Variants in LRCH1 observed in about 807,000 individuals in gnomAD.
LRCH1 encodes the protein leucine-rich repeat and calponin homology domain-containing protein 1.
A neutral mutation model predicts 94.9 loss-of-function variants in LRCH1; 23 were observed. The ratio of observed to expected loss-of-function variants is 0.24; its 90% CI spans 0.17 to 0.34. The LOEUF (loss-of-function observed/expected upper bound fraction) is 0.34, where lower values mean the gene tolerates loss of function less well. Ranked by LOEUF, LRCH1 falls within the 10% of genes least tolerant of loss-of-function variation. The probability of loss-of-function intolerance (pLI) is 1.00; values close to 1 mark genes in which losing one functional copy is unlikely to be tolerated. For missense variants in LRCH1, 790 were observed against 945.9 expected, an observed-to-expected ratio of 0.84 and a Z score of 2.16; for synonymous variants, 364 against 354.9, an observed-to-expected ratio of 1.03 and a Z score of -0.29.
Position 46,553,353 on chromosome 13 carries a change from C to T in LRCH1, c.-44C>T. ...TCCCCTCGCGGGGAACGCTGTGACC[C>T]CCCCGCAGGAGCGGCGGGGCGGGGT... is the stretch of plus-strand genomic sequence containing the variant. On this transcript the variant is annotated 5_prime_UTR_variant, in exon 1 of 20. Transcript: ENST00000389797. The T allele has an allele frequency of 6.8e-7, 1 of 1,468,086 alleles. No individual in the cohort carries two copies. The highest frequency in any genetic ancestry group is 1.4e-5 in the African/African-American group (1 of 71,522). 90.9% of individuals were successfully genotyped at this position (1,468,086 alleles called of 1,614,324 possible).
In LRCH1 at chr13:46,715,555, T is replaced by C; in HGVS notation, c.1655-5T>C. 6.5e-7 allele frequency: 1 copy of C among 1,528,854 alleles called. No homozygotes were observed. The highest frequency in any genetic ancestry group is 8.8e-7 in the Non-Finnish European group (1 of 1,139,176). The allele number at this position is 1,528,854 out of a possible 1,614,324, so 94.7% of individuals were successfully genotyped here. On this transcript the variant is annotated splice_polypyrimidine_tract_variant and splice_region_variant and intron_variant, in intron 15 of 19. Transcript: ENST00000389797. ...ACGCGGACTGGCTCTCTGGCTCCCCTGCAGACCCAGCCCTCATTCTTCCTC... is the reference window on the plus strand; with the variant it reads ...ACGCGGACTGGCTCTCTGGCTCCCCCGCAGACCCAGCCCTCATTCTTCCTC...
chr13:46,567,807 A>G (rs565892512), intron 1 of LRCH1, among the ~76,000 whole-genome samples: 1 of 152,172 alleles, frequency 6.6e-6, no homozygotes, highest in Non-Finnish European at 1.5e-5. Context: ...CCTTGGAATC[A>G]GTATGTTAAT....
chr13:46,602,703 T>G (rs2050640600), intron 1 of LRCH1, among the ~76,000 whole-genome samples: 1 of 152,140 alleles, frequency 6.6e-6, no homozygotes, highest in South Asian at 2.1e-4. Flanking sequence ...CTGTAATCCC[T>G]ACACTTTGGG....
intron 19 of LRCH1, among the ~76,000 whole-genome samples, chr13:46,734,924 A>G (rs1298857726): frequency 2.0e-5 from 3 of 152,220 alleles, no homozygotes; most frequent in African/African-American, 7.2e-5. Context: ...GGAATTAGTT[A>G]CTGAGATTGA....
chr13:46,670,945 A>C (rs778716887), intron 3 of LRCH1, among the ~76,000 whole-genome samples: 22 of 152,142 alleles, frequency 1.4e-4, no homozygotes, highest in Non-Finnish European at 2.5e-4. Context: ...AGGTAGATAG[A>C]ATGGGGCTGG....
intron 13 of LRCH1, among the ~76,000 whole-genome samples, chr13:46,710,726 A>G (rs1872019576): frequency 6.6e-6 from 1 of 152,218 alleles, no homozygotes; most frequent in Non-Finnish European, 1.5e-5. Context: ...AGCACTCCTC[A>G]ACAATGAATA....
At position 46,564,617 on chromosome 13, in the gene LRCH1, G is replaced by A. The variant is rs556067671; in HGVS notation, c.307+10914G>A. Among the ~76,000 whole-genome samples the A allele has an allele frequency of 1.2e-4, 18 of 152,356 alleles. 1 individual carries two copies. In the East Asian group the frequency reaches 3.1e-3, roughly 26 times the overall value. On this transcript the variant is annotated intron_variant, in intron 1 of 19. Transcript: ENST00000389797. ...GACCTCAGGAAGGCCACTGGGCCAG[G>A]GAGGAATAGGCCGGGGAGCCACCCA...
chr13:46,553,867 CGGGCCCTGGAGAGGGCACGG>C (rs1166747498), intron 1 of LRCH1, among the ~76,000 whole-genome samples, 164 bp downstream of exon 1: 3 of 152,192 alleles, frequency 2.0e-5, no homozygotes, highest in Non-Finnish European at 4.4e-5. Context: ...GCGGAAGAAG[CGGGCCCTGGAGAGGGCACGG>C]GGGCCCTGCC....
At chr13:46,570,884 A>T (rs1434036093) in intron 1 of LRCH1, among the ~76,000 whole-genome samples, 2 of 152,246 alleles carry the variant, frequency 1.3e-5, no homozygotes, top group Non-Finnish European at 2.9e-5. Flanking sequence ...ACAGGAGAAG[A>T]TGACTTAGTA....
chr13:46,668,980 A>T (rs1263533599), intron 2 of LRCH1, 50 bp from the exon 3 acceptor site: 1 of 1,606,870 alleles, frequency 6.2e-7, no homozygotes, highest in South Asian at 1.1e-5. Context: ...CACAGACAGT[A>T]TGAAGTGGCC....
chr13:46,553,826 G>T (rs35837259), intron 1 of LRCH1, 123 bp downstream of exon 1: 2 of 1,515,368 alleles, frequency 1.3e-6, no homozygotes, highest in Non-Finnish European at 1.8e-6. Context: ...CCATCGGCCC[G>T]TTGTCTCCCG....
intron 1 of LRCH1, among the ~76,000 whole-genome samples, chr13:46,620,110 G>C (rs2050863644): frequency 6.6e-6 from 1 of 152,168 alleles, no homozygotes; most frequent in Non-Finnish European, 1.5e-5. Flanking sequence ...TTGACAAGTA[G>C]GAAAAGGTAT....
At chr13:46,703,152 A>G (rs1312703599) in intron 11 of LRCH1, among the ~76,000 whole-genome samples, 1 of 152,190 alleles carries the variant, frequency 6.6e-6, no homozygotes, top group East Asian at 1.9e-4. Context: ...ATGTGTGTTT[A>G]CGTGTATCCA....
chr13:46,700,103 G>A (rs1430880958), intron 10 of LRCH1, among the ~76,000 whole-genome samples: 2 of 152,204 alleles, frequency 1.3e-5, no homozygotes, highest in South Asian at 2.1e-4. Context: ...GGGAGGGGGT[G>A]TGTGATCCCA....
chr13:46,699,812 A>G (rs552822413), intron 10 of LRCH1, among the ~76,000 whole-genome samples: 49 of 152,306 alleles, frequency 3.2e-4, no homozygotes, highest in Admixed American at 1.2e-3. Context: ...TTCTGGTCCC[A>G]AGACTTCTAA....
Position 46,742,509 on chromosome 13 carries a change from T to C in LRCH1, c.*661T>C. On this transcript the variant is annotated 3_prime_UTR_variant, in exon 20 of 20. Transcript: ENST00000389797. ...GCCAACTTCCACCCCGGCAAGCCCC[T>C]CTGTCCTATGCAGAAGGGCGCTCAA... The C allele has an allele frequency of 1.0e-6, 1 of 985,424 alleles. No individual in the cohort carries two copies. The highest frequency in any genetic ancestry group is 1.2e-6 in the Non-Finnish European group (1 of 829,880). The allele number at this position is 985,424 out of a possible 1,614,324, so 61.0% of individuals were successfully genotyped here.
Position 46,743,133 on chromosome 13 carries a change from G to A in LRCH1, c.*1285G>A, listed in dbSNP as rs972437786. The A allele has an allele frequency of 3.0e-6, 3 of 985,376 alleles. No individual in the cohort carries two copies. The East Asian group carries it at 3.4e-4, about 112-fold the overall frequency. 61.0% of individuals were successfully genotyped at this position (985,376 alleles called of 1,614,324 possible). ...TGCCAAATCTTGTTTCTTAGCTTGG[G>A]GAGATGATGGACTTAGCTTCCTCAA... On this transcript the variant is annotated 3_prime_UTR_variant, in exon 20 of 20. Transcript: ENST00000389797.
rs575869965 is a variant in LRCH1 at position 46,732,290 on chromosome 13, TA to T, written c.2008-1630del. 6.4e-4 allele frequency among the ~76,000 whole-genome samples: 98 copies of T among 152,320 alleles called. 1 individual carries two copies. The highest frequency in any genetic ancestry group is 2.3e-3 in the African/African-American group (94 of 41,556). On this transcript the variant is annotated intron_variant, in intron 18 of 19. Transcript: ENST00000389797. ...GTCAGTATCCTTAGAGACTATTCCT[TA>T]GAAAAATGAACTTTTTCAGCCTCTG...
intron 13 of LRCH1, among the ~76,000 whole-genome samples, chr13:46,706,965 AGT>A (rs1871794146): frequency 6.6e-6 from 1 of 152,158 alleles, no homozygotes; most frequent in African/African-American, 2.4e-5. Flanking sequence ...TAATCATTTT[AGT>A]GTGTGTTTTC....
Sources: allele counts gnomAD v4.1 joint callset (sites outside exome capture counted in the v4.1 genomes callset), GRCh38; gene constraint gnomAD v4.1.1; transcripts MANE v1.5; gene names NCBI Gene and HGNC (gene_info 2026-07-23, HGNC 2026-07-21).